The following SEMA3A variants were observed in gnomAD, a reference collection of about 807,000 sequenced individuals.
The protein encoded by SEMA3A is semaphorin 3A, also known as semaphorin-3A.
Under a neutral mutation model 97.9 loss-of-function variants are expected in SEMA3A, and 29 were observed. The observed-to-expected ratio is 0.30, with a 90% CI of 0.22 to 0.40. SEMA3A has a LOEUF of 0.40. Ranked by LOEUF, SEMA3A falls within the 10% of genes least tolerant of loss-of-function variation. The pLI is 1.00. For missense variants in SEMA3A, 763 were observed against 951.3 expected (o/e 0.80, Z 2.60); for synonymous variants, 321 against 323.7 (o/e 0.99, Z 0.09).
At chr7:84,067,473 G>C (rs1368929835) in intron 4 of SEMA3A, among the ~76,000 whole-genome samples, 1 of 151,022 alleles carries the variant, frequency 6.6e-6, no homozygotes, top group Non-Finnish European at 1.5e-5. Context: ...ACTACCATCA[G>C]AGTGAACAGG....
At chr7:83,997,299 T>C (rs1454230235) in intron 12 of SEMA3A, among the ~76,000 whole-genome samples, 3 of 152,200 alleles carry the variant, frequency 2.0e-5, no homozygotes, top group South Asian at 2.1e-4. Flanking sequence ...TTATTTTAAA[T>C]GGATTGACTT....
At chr7:84,262,407 G>A (rs1799880297) in intron 3 of SEMA3A, among the ~76,000 whole-genome samples, 2 of 152,086 alleles carry the variant, frequency 1.3e-5, no homozygotes, top group Non-Finnish European at 2.9e-5. Flanking sequence ...TAGAGACAGG[G>A]TTTTGTAATA....
chr7:84,079,640 A>T (rs1324109099), intron 4 of SEMA3A, among the ~76,000 whole-genome samples: 1 of 147,858 alleles, frequency 6.8e-6, no homozygotes, highest in African/African-American at 2.5e-5. Context: ...ATGCAAATCA[A>T]AACCACAATG....
In SEMA3A at chr7:84,110,552, T is replaced by A. The variant is rs1391126611; in HGVS notation, c.371A>T (p.Tyr124Phe). Reference protein sequence around the residue: ...CANFIKVLKAYNQTHLYACGT... With the variant: ...CANFIKVLKAFNQTHLYACGT... ...ACAGGCGTACAAGTGAGTCTGATTA[T>A]ATGCCTTAAGTACCTTGATGAAATT... Residue 124 changes from tyrosine (Y) to phenylalanine (F), a missense_variant, in exon 4 of 17, where the codon TAT (tyrosine) becomes TTT (phenylalanine). This residue lies in a region of SEMA3A where 678 missense variants were observed against 881.3 expected (regional missense o/e 0.77). Transcript: ENST00000265362. 6.2e-7 allele frequency: 1 copy of A among 1,614,012 alleles called. No homozygotes were observed. Among genetic ancestry groups the A allele is most frequent in the East Asian group, 2.2e-5 (1 of 44,866 alleles).
At chr7:84,175,984 C>CCTATCA (rs1797554399) in intron 1 of SEMA3A, among the ~76,000 whole-genome samples, 2 of 152,096 alleles carry the variant, frequency 1.3e-5, no homozygotes, top group African/African-American at 2.4e-5. Context: ...TCTCAGCACT[C>CCTATCA]CTATCACTTT....
At chr7:84,191,353 T>C (rs1465604355) in intron 1 of SEMA3A, among the ~76,000 whole-genome samples, 1 of 151,732 alleles carries the variant, frequency 6.6e-6, no homozygotes. Context: ...ATTTAACCTT[T>C]GGATTCACAG....
chr7:84,039,003 A>G (rs1488958459), intron 6 of SEMA3A, among the ~76,000 whole-genome samples: 1 of 152,166 alleles, frequency 6.6e-6, no homozygotes, highest in Non-Finnish European at 1.5e-5. Context: ...CAATTAAAAC[A>G]TAATCAAATA....
intron 1 of SEMA3A, among the ~76,000 whole-genome samples, chr7:84,482,104 T>G (rs1240796641): frequency 2.0e-5 from 3 of 150,934 alleles, no homozygotes; most frequent in Non-Finnish European, 4.4e-5. Flanking sequence ...TTTGAAAAAT[T>G]AGGCAAAATA....
At chr7:84,155,189 C>G (rs1796804096) in intron 1 of SEMA3A, among the ~76,000 whole-genome samples, 1 of 152,202 alleles carries the variant, frequency 6.6e-6, no homozygotes, top group Admixed American at 6.5e-5. Flanking sequence ...TCTATCAGCA[C>G]TCTTCCCCGT....
chr7:84,013,778 C>T (rs1009369390), intron 7 of SEMA3A, among the ~76,000 whole-genome samples: 4 of 152,068 alleles, frequency 2.6e-5, no homozygotes, highest in Non-Finnish European at 5.9e-5. Context: ...ACCAGGGAGG[C>T]GGAGTTTGCA....
chr7:84,208,376 C>T (rs10263955), intron 3 of SEMA3A, among the ~76,000 whole-genome samples: 1,661 of 151,768 alleles, frequency 0.011, 25 homozygotes, highest in African/African-American at 0.038. Context: ...GGCGTGAACC[C>T]GGGAGGCGGA....
chr7:84,356,788 C>G (rs926648533), intron 2 of SEMA3A, among the ~76,000 whole-genome samples: 1 of 150,950 alleles, frequency 6.6e-6, no homozygotes, highest in East Asian at 2.0e-4. Context: ...ATAAATATAC[C>G]TCCATTTAAG....
chr7:84,471,736 C>T (rs927781296), intron 1 of SEMA3A, among the ~76,000 whole-genome samples: 10 of 152,010 alleles, frequency 6.6e-5, no homozygotes, highest in African/African-American at 1.4e-4. Context: ...TTCCCCCAAC[C>T]AAAAAGAAAC....
chr7:84,075,458 C>CTTTTTT (rs35489504), intron 4 of SEMA3A, among the ~76,000 whole-genome samples: 49 of 119,286 alleles, frequency 4.1e-4, no homozygotes, highest in African/African-American at 1.5e-3. Context: ...TGCACCTGGT[C>CTTTTTT]TTTTTTTTTT....
chr7:84,080,369 G>C (rs1355993372), intron 4 of SEMA3A, among the ~76,000 whole-genome samples: 1 of 151,612 alleles, frequency 6.6e-6, no homozygotes, highest in Admixed American at 6.6e-5. Flanking sequence ...AAGAAAAAAA[G>C]AGACTACCTA....
intron 1 of SEMA3A, among the ~76,000 whole-genome samples, chr7:84,480,864 T>C (rs1437892979): frequency 2.6e-5 from 4 of 152,090 alleles, no homozygotes; most frequent in Non-Finnish European, 5.9e-5. Flanking sequence ...ACTTAGGAAT[T>C]AGTGGGAAAG....
chr7:84,374,303 C>G (rs748582208), intron 1 of SEMA3A, among the ~76,000 whole-genome samples: 10 of 152,124 alleles, frequency 6.6e-5, no homozygotes, highest in Non-Finnish European at 1.0e-4. Flanking sequence ...TATTTATACC[C>G]AAAGATGTTC....
chr7:84,376,924 C>T (rs1718127258), intron 1 of SEMA3A, among the ~76,000 whole-genome samples: 1 of 151,962 alleles, frequency 6.6e-6, no homozygotes, highest in African/African-American at 2.4e-5. Flanking sequence ...GGGTGATAAT[C>T]CATTATCAGA....
intron 1 of SEMA3A, among the ~76,000 whole-genome samples, chr7:84,397,717 G>A (rs150790567): frequency 6.6e-6 from 1 of 151,996 alleles, no homozygotes; most frequent in Non-Finnish European, 1.5e-5. Context: ...CAGATACATA[G>A]GGACAGGTAA....
Sources: gnomAD v4.1 joint callset for allele counts (sites outside exome capture counted in the v4.1 genomes callset) on GRCh38, gnomAD v4.1.1 for gene constraint, gnomAD v4.1.1 regional missense constraint, MANE v1.5 for transcripts, NCBI Gene and HGNC (gene_info 2026-07-23, HGNC 2026-07-21) for gene names.